The following TMEM61 variants were observed in gnomAD, a reference collection of about 807,000 sequenced individuals.
TMEM61 encodes the protein transmembrane protein 61.
TMEM61 carries 13 observed loss-of-function variants against 12.0 expected under a neutral mutation model. The observed-to-expected ratio is 1.08, with a 90% CI of 0.70 to 1.72. The LOEUF (loss-of-function observed/expected upper bound fraction) is 1.72, where lower values mean the gene tolerates loss of function less well. Among genes scored for constraint, TMEM61 ranks in the 40% most tolerant of loss-of-function variants. The pLI is 0.00. For missense variants in TMEM61, 249 were observed against 276.9 expected (o/e 0.90, Z 0.71); for synonymous variants, 109 against 121.4 (o/e 0.90, Z 0.67).
chr1:54,981,256 C>T (rs376433210), intron 1 of TMEM61, among the ~76,000 whole-genome samples, 176 bp downstream of exon 1: 8 of 152,286 alleles, frequency 5.3e-5, no homozygotes, highest in African/African-American at 1.9e-4. Context: ...CACTCAGGGC[C>T]TCAATTGGGG....
intron 2 of TMEM61, among the ~76,000 whole-genome samples, chr1:54,990,547 C>T (rs1644289258): frequency 6.9e-6 from 1 of 144,848 alleles, no homozygotes. Context: ...AGACTGGCCT[C>T]TTGCCATTGG....
chr1:54,989,092 C>T (rs777416575), intron 2 of TMEM61, among the ~76,000 whole-genome samples: 11 of 152,320 alleles, frequency 7.2e-5, no homozygotes, highest in East Asian at 5.8e-4. Flanking sequence ...ATTTACAGTG[C>T]GCCCTCATGC....
At chr1:54,984,797 T>G (rs1644247050) in intron 1 of TMEM61, among the ~76,000 whole-genome samples, 1 of 152,104 alleles carries the variant, frequency 6.6e-6, no homozygotes, top group Non-Finnish European at 1.5e-5. Context: ...GCTTCCCTGG[T>G]GAGGCTGAGC....
At chr1:54,981,875 T>C (rs1644225301) in intron 1 of TMEM61, among the ~76,000 whole-genome samples, 1 of 152,200 alleles carries the variant, frequency 6.6e-6, no homozygotes, top group African/African-American at 2.4e-5. Context: ...CAGGGACAGG[T>C]GCTGAGCACT....
chr1:54,986,265 C>T lies in TMEM61; in HGVS notation c.184C>T (p.Pro62Ser), dbSNP rs1644258588. Residue 62 changes from proline to serine, a missense_variant, in exon 2 of 3, where the codon CCC becomes TCC. Transcript: ENST00000371268. ...CACGGAGTATCCGGTGCCTGAGGGC[C>T]CCAGCCCCCTGCTCAGGTCCGTCAG... is the stretch of plus-strand genomic sequence containing the variant. The part of the protein sequence containing the change: ...PPTEYPVPEG[P>S]SPLLRSVSFV... The T allele has an allele frequency of 6.2e-7, 1 of 1,613,916 alleles. No individual in the cohort carries two copies. Among genetic ancestry groups the T allele is most frequent in the African/African-American group, 1.3e-5 (1 of 75,068 alleles).
chr1:54,983,109 G>GTTTGTT (rs1644234070), intron 1 of TMEM61, among the ~76,000 whole-genome samples: 1 of 109,522 alleles, frequency 9.1e-6, no homozygotes, highest in Non-Finnish European at 1.8e-5. Context: ...GTTTTGCTTT[G>GTTTGTT]TTTTTTTTTT....
intron 1 of TMEM61, among the ~76,000 whole-genome samples, chr1:54,985,029 C>T (rs937685294): frequency 3.9e-5 from 6 of 152,132 alleles, no homozygotes; most frequent in Admixed American, 6.6e-5. Context: ...TTGAAAAAAG[C>T]AAGATGTGAT....
intron 2 of TMEM61, among the ~76,000 whole-genome samples, chr1:54,986,916 C>T (rs1299553985): frequency 6.6e-6 from 1 of 152,224 alleles, no homozygotes; most frequent in Non-Finnish European, 1.5e-5. Context: ...CTAATAGCAA[C>T]AGCAATAATA....
In TMEM61 at chr1:54,981,117, C is replaced by T. The variant is rs758703428; in HGVS notation, c.15+37C>T. 5.1e-6 allele frequency: 8 copies of T among 1,574,656 alleles called. No homozygotes were observed. In the South Asian group the frequency reaches 7.0e-5, roughly 14 times the overall value. ...CGGCCTTCTCCCTCCTTTACGGGCA[C>T]TCAGCCCCTTCTGTCGTCGACCTTG... is the stretch of plus-strand genomic sequence containing the variant. On this transcript the variant is annotated intron_variant, in intron 1 of 2. Coordinates refer to ENST00000371268, the MANE Select transcript of TMEM61 (RefSeq NM_182532.3).
rs1185156719 is a variant in TMEM61 at position 54,980,932 on chromosome 1, C to T, written c.-134C>T. The stretch of plus-strand genomic sequence containing the variant: ...GGGCAGCGGCCAGGCCCCTCCGCCC[C>T]TAACACCCGCGCCTCCTGCAGACCC... On this transcript the variant is annotated 5_prime_UTR_variant, in exon 1 of 3. Transcript: ENST00000371268. The T allele has an allele frequency of 1.0e-6, 1 of 992,664 alleles. No individual in the cohort carries two copies. Among genetic ancestry groups the T allele is most frequent in the Non-Finnish European group, 1.4e-6 (1 of 711,210 alleles). 61.5% of individuals were successfully genotyped at this position (992,664 alleles called of 1,614,324 possible).
At chr1:54,987,296 T>C (rs1324371581) in intron 2 of TMEM61, among the ~76,000 whole-genome samples, 1 of 152,186 alleles carries the variant, frequency 6.6e-6, no homozygotes, top group Non-Finnish European at 1.5e-5. Flanking sequence ...AAAAGAGGCA[T>C]TTTAGGCAGG....
Position 54,983,109 on chromosome 1 carries a change from G to GTTTTTTTTTTTTTTTTTTTTTTTTT in TMEM61, c.15+2041_15+2042insTTTTTTTTTTTTTTTTTTTTTTTTT, listed in dbSNP as rs780127208. ...TTAGTGGTGATTTGTGTTTTGCTTT[G>GTTTTTTTTTTTTTTTTTTTTTTTTT]TTTTTTTTTTTTGTTTTTTTTTGAG... On this transcript the variant is annotated intron_variant, in intron 1 of 2. Transcript: ENST00000371268. Among the ~76,000 whole-genome samples, 8 of 109,540 alleles carry GTTTTTTTTTTTTTTTTTTTTTTTTT rather than the reference G, an allele frequency of 7.3e-5. 1 individual carries two copies. Among genetic ancestry groups the GTTTTTTTTTTTTTTTTTTTTTTTTT allele is most frequent in the Non-Finnish European group, 1.5e-4 (8 of 54,414 alleles). The allele number at this position is 109,540 out of a possible 152,430, so 71.9% of individuals were successfully genotyped here.
chr1:54,983,493 G>T (rs1644237900), intron 1 of TMEM61, among the ~76,000 whole-genome samples: 2 of 152,112 alleles, frequency 1.3e-5, no homozygotes, highest in South Asian at 4.1e-4. Flanking sequence ...CTATTGTTTG[G>T]TACAAAGTAA....
intron 2 of TMEM61, among the ~76,000 whole-genome samples, chr1:54,987,883 G>A (rs13374004): frequency 0.019 from 2,965 of 152,312 alleles, 89 homozygotes; most frequent in African/African-American, 0.068. Context: ...TTTTAACAGG[G>A]AAAATGTTTT....
In TMEM61 at chr1:54,991,993, C is replaced by T; in HGVS notation, c.523C>T (p.Pro175Ser). Residue 175 changes from proline (P) to serine (S), a missense_variant, in exon 3 of 3, where the codon CCC (proline) becomes TCC (serine). Physicochemically the swap from Pro to Ser is moderately conservative, Grantham distance 74. Coordinates refer to ENST00000371268, the MANE Select transcript of TMEM61 (RefSeq NM_182532.3). ...LLSTQPAWPP[P>S]SYESISLALD... is the part of the protein sequence containing the mutation. ...CAGCACCCAGCCCGCCTGGCCTCCACCCAGCTATGAGAGCATCAGCCTTGC... is the reference window on the plus strand; with the variant it reads ...CAGCACCCAGCCCGCCTGGCCTCCATCCAGCTATGAGAGCATCAGCCTTGC... 1 of 1,614,206 alleles carries T rather than the reference C, an allele frequency of 6.2e-7. No homozygotes were observed. The highest frequency in any genetic ancestry group is 1.7e-5 in the Admixed American group (1 of 60,024).
At chr1:54,985,212 C>T (rs570343474) in intron 1 of TMEM61, among the ~76,000 whole-genome samples, 109 of 62,160 alleles carry the variant, frequency 1.8e-3, no homozygotes, top group Non-Finnish European at 3.1e-3. Context: ...CCACGGTGAA[C>T]GTGTGTATGT....
chr1:54,986,374 G>T lies in TMEM61; in HGVS notation c.293G>T (p.Arg98Leu), dbSNP rs138891775. The change falls in exon 2 of 3, where the codon CGA becomes CTA. Residue 98 changes from arginine (R) to leucine (L), a missense_variant. Transcript: ENST00000371268. ...AAGGCCAGCATCCCAGGGCCACCTC[G>T]ATGGGACCCCTATCACCTCTCCAGA... is the stretch of plus-strand genomic sequence containing the variant. ...SVKASIPGPPRWDPYHLSRDL... is the reference protein window; with the variant it reads ...SVKASIPGPPLWDPYHLSRDL... 1.3e-5 allele frequency: 21 copies of T among 1,612,758 alleles called. No homozygotes were observed. The African/African-American group carries it at 2.7e-4, about 20-fold the overall frequency.
At position 54,991,827 on chromosome 1, in the gene TMEM61, T is replaced by C. The variant is rs1235654650; in HGVS notation, c.366-9T>C. The C allele has an allele frequency of 6.2e-7, 1 of 1,613,068 alleles. No homozygotes were observed. Among genetic ancestry groups the C allele is most frequent in the African/African-American group, 1.3e-5 (1 of 74,902 alleles). On this transcript the variant is annotated splice_polypyrimidine_tract_variant and intron_variant, in intron 2 of 2. Coordinates refer to ENST00000371268, the MANE Select transcript of TMEM61 (RefSeq NM_182532.3). ...GCCCCTGCTAACAGCCTCTCTTCTGTTCCTGCAGGACCCCCAAAGTGGTTG... is the reference window on the plus strand; with the variant it reads ...GCCCCTGCTAACAGCCTCTCTTCTGCTCCTGCAGGACCCCCAAAGTGGTTG...
Position 54,980,902 on chromosome 1 carries a change from C to A in TMEM61, c.-164C>A. 1 of 680,946 alleles carries A rather than the reference C, an allele frequency of 1.5e-6. No homozygotes were observed. The highest frequency in any genetic ancestry group is 2.2e-6 in the Non-Finnish European group (1 of 446,280). The allele number at this position is 680,946 out of a possible 1,614,324, so 42.2% of individuals were successfully genotyped here. A position where few individuals can be genotyped will look rare whatever the true frequency, so the allele number is the denominator to read the frequency against. Reference sequence around the variant, plus strand: ...CGGTTTTGCGGGCTGGGGAGCAGGGCTCGGGGGCAGCGGCCAGGCCCCTCC... The same window carrying A: ...CGGTTTTGCGGGCTGGGGAGCAGGGATCGGGGGCAGCGGCCAGGCCCCTCC... On this transcript the variant is annotated 5_prime_UTR_variant, in exon 1 of 3. Transcript: ENST00000371268.
Sources: gnomAD v4.1 joint callset for allele counts (sites outside exome capture counted in the v4.1 genomes callset) on GRCh38, gnomAD v4.1.1 for gene constraint, MANE v1.5 for transcripts, NCBI Gene and HGNC (gene_info 2026-07-23, HGNC 2026-07-21) for gene names.